Variants in PLCB4 observed in about 807,000 individuals in gnomAD.
PLCB4 encodes the protein phospholipase C beta 4, also known as 1-phosphatidylinositol 4,5-bisphosphate phosphodiesterase beta-4.
A neutral mutation model predicts 178.8 loss-of-function variants in PLCB4; 77 were observed. That is an observed-to-expected ratio of 0.43 (90% confidence interval 0.36 to 0.52). The LOEUF (loss-of-function observed/expected upper bound fraction) is 0.52, where lower values mean the gene tolerates loss of function less well. Ranked by LOEUF, PLCB4 falls within the 20% of genes least tolerant of loss-of-function variation. The pLI is 0.00. For synonymous variants in PLCB4, 496 were observed against 490.8 expected, an observed-to-expected ratio of 1.01 and a Z score of -0.14; for missense variants, 1,024 against 1,453.4, an observed-to-expected ratio of 0.70 and a Z score of 4.80.
chr20:9,171,416 C>G (rs1048454519), intron 2 of PLCB4, among the ~76,000 whole-genome samples: 2 of 152,184 alleles, frequency 1.3e-5, no homozygotes, highest in Non-Finnish European at 2.9e-5. Context: ...AAATATTCAG[C>G]AGCTGTCTAT....
intron 7 of PLCB4, among the ~76,000 whole-genome samples, chr20:9,342,655 G>GT (rs1568619068): frequency 5.6e-4 from 82 of 147,186 alleles, no homozygotes; most frequent in Admixed American, 5.4e-4. Flanking sequence ...TATGTTTTGG[G>GT]GTTTTTTTTT....
At chr20:9,212,917 G>A (rs1404481907) in intron 2 of PLCB4, among the ~76,000 whole-genome samples, 1 of 151,880 alleles carries the variant, frequency 6.6e-6, no homozygotes, top group Admixed American at 6.6e-5. Context: ...GTGGTTTTTA[G>A]TATTAATATA....
intron 2 of PLCB4, among the ~76,000 whole-genome samples, chr20:9,197,935 A>G (rs1197475726): frequency 6.6e-6 from 1 of 152,186 alleles, no homozygotes; most frequent in Non-Finnish European, 1.5e-5. Context: ...AGATTGTGCC[A>G]TTGCACTCCA....
intron 25 of PLCB4, among the ~76,000 whole-genome samples, chr20:9,415,051 A>G (rs532145190): frequency 1.3e-5 from 2 of 152,244 alleles, no homozygotes; most frequent in South Asian, 2.1e-4. Flanking sequence ...AATTAGGCAT[A>G]GTAAGAGATT....
At chr20:9,388,852 G>A (rs2037899247) in intron 15 of PLCB4, among the ~76,000 whole-genome samples, 1 of 152,150 alleles carries the variant, frequency 6.6e-6, no homozygotes, top group African/African-American at 2.4e-5. Context: ...TATTCAAGTG[G>A]GAAGCCATGA....
intron 30 of PLCB4, among the ~76,000 whole-genome samples, chr20:9,441,461 G>C (rs1295982516): frequency 6.6e-6 from 1 of 152,154 alleles, no homozygotes; most frequent in Non-Finnish European, 1.5e-5. Flanking sequence ...CTGAGAGAAG[G>C]CTTCCAGTGC....
At chr20:9,206,111 T>C (rs1351294352) in intron 2 of PLCB4, among the ~76,000 whole-genome samples, 1 of 152,172 alleles carries the variant, frequency 6.6e-6, no homozygotes, top group Non-Finnish European at 1.5e-5. Context: ...TTAAAAAGCA[T>C]ATTTCTGTTA....
chr20:9,408,765 G>A (rs1281990583), intron 23 of PLCB4, 48 bp downstream of exon 23: 1 of 964,090 alleles, frequency 1.0e-6, no homozygotes, highest in Non-Finnish European at 1.7e-6. Flanking sequence ...ACGTTGGTTT[G>A]GCAAGAGCCT....
chr20:9,258,896 C>G (rs998001185), intron 3 of PLCB4, among the ~76,000 whole-genome samples: 9 of 151,796 alleles, frequency 5.9e-5, no homozygotes, highest in Non-Finnish European at 1.3e-4. Context: ...TTTGATCACC[C>G]CAGATCATTC....
At chr20:9,405,438 G>T in intron 21 of PLCB4, 90 bp downstream of exon 21, 1 of 757,430 alleles carries the variant, frequency 1.3e-6, no homozygotes, top group South Asian at 1.9e-5. Context: ...GTGAAAAAAT[G>T]ATTAAATCCT....
At chr20:9,237,038 TA>T (rs2094000814) in intron 3 of PLCB4, among the ~76,000 whole-genome samples, 1 of 152,192 alleles carries the variant, frequency 6.6e-6, no homozygotes, top group Non-Finnish European at 1.5e-5. Context: ...GATTGTGGAA[TA>T]ATGTGACATT....
intron 3 of PLCB4, among the ~76,000 whole-genome samples, chr20:9,302,329 C>T (rs796101291): frequency 4.6e-5 from 7 of 152,132 alleles, no homozygotes; most frequent in South Asian, 2.1e-4. Context: ...TGTGTACCTT[C>T]GTTTGTTCCC....
intron 1 of PLCB4, among the ~76,000 whole-genome samples, chr20:9,080,513 C>T (rs2090093003): frequency 6.6e-6 from 1 of 152,084 alleles, no homozygotes; most frequent in African/African-American, 2.4e-5. Flanking sequence ...TTTGCTTTTA[C>T]CCTTATATAT....
intron 3 of PLCB4, among the ~76,000 whole-genome samples, chr20:9,278,581 C>A (rs2206140): frequency 0.022 from 3,405 of 152,144 alleles, 147 homozygotes; most frequent in African/African-American, 0.078. Context: ...CAACTCATGG[C>A]ATGCTTTACT....
At chr20:9,280,982 TG>T (rs2094490497) in intron 3 of PLCB4, among the ~76,000 whole-genome samples, 1 of 151,920 alleles carries the variant, frequency 6.6e-6, no homozygotes, top group East Asian at 1.9e-4. Context: ...ACCACATTTA[TG>T]TAATAAATAC....
intron 3 of PLCB4, among the ~76,000 whole-genome samples, chr20:9,283,362 T>A (rs187464232): frequency 2.0e-3 from 297 of 152,054 alleles, no homozygotes; most frequent in South Asian, 7.5e-3. Flanking sequence ...CCTTTCAGAG[T>A]TAGCCATATT....
intron 2 of PLCB4, among the ~76,000 whole-genome samples, chr20:9,206,310 T>C (rs1352500573): frequency 6.7e-5 from 10 of 148,624 alleles, no homozygotes; most frequent in African/African-American, 2.2e-4. Flanking sequence ...TTTTTTTTTT[T>C]TTTTTTTTTT....
Position 9,131,761 on chromosome 20 carries a change from C to G in PLCB4, c.-79+35419C>G, listed in dbSNP as rs6086784. Among the ~76,000 whole-genome samples, 534 of 152,258 alleles carry G rather than the reference C, an allele frequency of 3.5e-3. 5 individuals are homozygous for G. Among genetic ancestry groups the G allele is most frequent in the Non-Finnish European group, 3.4e-3 (230 of 68,020 alleles). ...TCATGCCCTTGTCTATTATATTCCT[C>G]ATTGACTCTAGACTTGGCCATATAA... On this transcript the variant is annotated intron_variant, in intron 2 of 39. Coordinates refer to ENST00000378473, the MANE Select transcript of PLCB4 (RefSeq NM_001377142.1).
chr20:9,471,107 A>C (rs535488455), intron 36 of PLCB4, among the ~76,000 whole-genome samples: 10 of 152,332 alleles, frequency 6.6e-5, no homozygotes, highest in African/African-American at 2.2e-4. Context: ...TTATAACTGA[A>C]TGACAATGTA....
Sources: allele counts gnomAD v4.1 joint callset (sites outside exome capture counted in the v4.1 genomes callset), GRCh38; gene constraint gnomAD v4.1.1; transcripts MANE v1.5; gene names NCBI Gene and HGNC (gene_info 2026-07-23, HGNC 2026-07-21).